The following SPATA1 variants were observed in gnomAD, a reference collection of about 807,000 sequenced individuals.
The protein encoded by SPATA1 is spermatogenesis-associated protein 1.
In SPATA1, 57 loss-of-function variants were observed where a neutral mutation model predicts 59.6. The observed-to-expected ratio is 0.96, with a 90% CI of 0.77 to 1.19. SPATA1 has a LOEUF of 1.19. SPATA1 is among the 50% of genes most tolerant of loss of function. The pLI is 0.00. For synonymous variants in SPATA1, 147 were observed against 163.9 expected (o/e 0.90, Z 0.79); for missense variants, 448 against 480.7 (o/e 0.93, Z 0.64).
At chr1:84,564,853 A>G (rs145351051) in intron 4 of SPATA1, among the ~76,000 whole-genome samples, 2 of 152,100 alleles carry the variant, frequency 1.3e-5, no homozygotes, top group African/African-American at 2.4e-5. Flanking sequence ...GCAACATAGT[A>G]TGACTCCATC....
At chr1:84,550,499 C>T (rs1301357695) in exon 12 of SPATA1, 3 of 1,558,852 alleles carry the variant, frequency 1.9e-6, no homozygotes, top group Admixed American at 1.9e-5. Flanking sequence ...AAACTAGATA[C>T]TGACAAAATG....
chr1:84,547,117 T>A (rs1684113258), intron 10 of SPATA1, among the ~76,000 whole-genome samples: 1 of 152,258 alleles, frequency 6.6e-6, no homozygotes, highest in South Asian at 2.1e-4. Flanking sequence ...AAGATTCTGC[T>A]TTACAATGTG....
At position 84,563,286 on chromosome 1, in the gene SPATA1, C is replaced by A. The variant is rs3768249; in HGVS notation, n.443-2575C>A. ...TAGTTATAATAAGGAGCCCGCTGAT[C>A]TTTATCCCATAGGTTTCCAGAAATA... On this transcript the variant is annotated intron_variant and non_coding_transcript_variant, in intron 4 of 4. Transcript: ENST00000460286. 1.1e-3 allele frequency: 1,724 copies of A among 1,576,672 alleles called. 34 individuals are homozygous for A. The East Asian group carries it at 0.031, about 28-fold the overall frequency.
chr1:84,550,660 C>G, intron 12 of SPATA1, 130 bp downstream of exon 12: 1 of 1,235,646 alleles, frequency 8.1e-7, no homozygotes, highest in South Asian at 3.4e-5. Context: ...GTTACCTTAA[C>G]AGTAAAGAGC....
chr1:84,534,081 C>T (rs1204959759), intron 8 of SPATA1, among the ~76,000 whole-genome samples: 1 of 151,938 alleles, frequency 6.6e-6, no homozygotes, highest in Non-Finnish European at 1.5e-5. Flanking sequence ...TATACTAATA[C>T]CTGTACTTGA....
chr1:84,562,180 G>T (rs1352874237), intron 4 of SPATA1, among the ~76,000 whole-genome samples: 1 of 152,116 alleles, frequency 6.6e-6, no homozygotes, highest in Non-Finnish European at 1.5e-5. Context: ...TCTCCAAGAG[G>T]GGCGTACAGT....
chr1:84,550,518 A>G (rs982834166), exon 12 of SPATA1: 8 of 1,543,008 alleles, frequency 5.2e-6, no homozygotes, highest in African/African-American at 1.4e-5. Flanking sequence ...TGAAACTCAT[A>G]GTAGAAGTTA....
chr1:84,527,448 A>G (rs1683268590), intron 6 of SPATA1: 1 of 152,082 alleles, frequency 6.6e-6, no homozygotes, highest in Non-Finnish European at 1.5e-5. Flanking sequence ...AATGTAAAGA[A>G]GAAAATAAAG....
chr1:84,532,455 C>G (rs1016482820), intron 6 of SPATA1, among the ~76,000 whole-genome samples: 9 of 152,044 alleles, frequency 5.9e-5, no homozygotes, highest in Admixed American at 3.3e-4. Flanking sequence ...GAGATTGCAC[C>G]ACTGCACTCC....
chr1:84,565,900 C>T (rs1684690824), exon 5 of SPATA1: 1 of 1,594,142 alleles, frequency 6.3e-7, no homozygotes, highest in Non-Finnish European at 8.5e-7. Context: ...CCAGATCTGA[C>T]TTTGTTCATC....
chr1:84,525,084 C>T (rs1302678982), intron 4 of SPATA1, among the ~76,000 whole-genome samples: 3 of 152,172 alleles, frequency 2.0e-5, no homozygotes, highest in African/African-American at 7.2e-5. Context: ...TCAAGCGATT[C>T]TCCTGCCTCA....
At chr1:84,556,438 C>A (rs1035194928), downstream of SPATA1, among the ~76,000 whole-genome samples, 2 of 152,064 alleles carry the variant, frequency 1.3e-5, no homozygotes, top group African/African-American at 4.8e-5. Flanking sequence ...TGGGGCCGGG[C>A]ACGGTGTCTC....
downstream of SPATA1, chr1:84,555,178 GATGAAAGTGGCC>G (rs1261519589): frequency 5.6e-6 from 9 of 1,613,312 alleles, no homozygotes; most frequent in Middle Eastern, 1.7e-4. Context: ...TACCATACTT[GATGAAAGTGGCC>G]AGCAGGATCC....
At chr1:84,524,072 A>C (rs1683126681) in intron 4 of SPATA1, among the ~76,000 whole-genome samples, 1 of 151,518 alleles carries the variant, frequency 6.6e-6, no homozygotes, top group African/African-American at 2.4e-5. Context: ...TATTTTATAT[A>C]TTCAAAAGAA....
At chr1:84,548,879 T>G in exon 11 of SPATA1, 1 of 1,600,236 alleles carries the variant, frequency 6.2e-7, no homozygotes, top group Non-Finnish European at 8.5e-7. Flanking sequence ...GATTTGGAAC[T>G]CTACTATAAA....
chr1:84,516,083 C>T (rs1682781644), intron 1 of SPATA1, 140 bp from the exon 2 acceptor site: 3 of 298,796 alleles, frequency 1.0e-5, no homozygotes, highest in Non-Finnish European at 1.2e-5. Flanking sequence ...TAGATTTATG[C>T]TCATTTTATT....
downstream of SPATA1, chr1:84,554,578 A>G (rs1684373372): frequency 6.3e-6 from 1 of 158,944 alleles, no homozygotes; most frequent in African/African-American, 2.4e-5. Context: ...TTGGGGGAAA[A>G]GTATAGCACA....
chr1:84,520,474 T>C, intron 2 of SPATA1, 111 bp from the exon 3 acceptor site: 1 of 704,080 alleles, frequency 1.4e-6, no homozygotes, highest in South Asian at 2.3e-5. Flanking sequence ...GATGTATGTA[T>C]TCCATGTTTT....
At chr1:84,509,854 A>G (rs1558563639) in intron 1 of SPATA1, among the ~76,000 whole-genome samples, 1 of 152,150 alleles carries the variant, frequency 6.6e-6, no homozygotes, top group Non-Finnish European at 1.5e-5. Context: ...AGCACAGGCA[A>G]CCAAAGCAAA....
Sources: gnomAD v4.1 joint callset for allele counts (sites outside exome capture counted in the v4.1 genomes callset) on GRCh38, gnomAD v4.1.1 for gene constraint, MANE v1.5 for transcripts, NCBI Gene and HGNC (gene_info 2026-07-23, HGNC 2026-07-21) for gene names.